FAM171A1: variants seen among roughly 807,000 people sequenced by gnomAD.
FAM171A1 encodes family with sequence similarity 171 member A1, also known as protein FAM171A1.
A neutral mutation model predicts 74.9 loss-of-function variants in FAM171A1; 23 were observed. The observed-to-expected ratio is 0.31, with a 90% CI of 0.22 to 0.44. FAM171A1 has a LOEUF of 0.44. FAM171A1 is among the 20% of genes least tolerant of loss of function. FAM171A1 has a pLI of 1.00. For missense variants in FAM171A1, 1,162 were observed against 1,159.2 expected (o/e 1.00, Z -0.03); for synonymous variants, 527 against 505.7 (o/e 1.04, Z -0.57).
intron 1 of FAM171A1, among the ~76,000 whole-genome samples, chr10:15,312,218 G>C (rs1835367248): frequency 6.6e-6 from 1 of 152,194 alleles, no homozygotes; most frequent in African/African-American, 2.4e-5. Flanking sequence ...GCTTATAAAA[G>C]TGAGCTTGAA....
Position 15,213,313 on chromosome 10 carries a change from C to T in FAM171A1, c.2275G>A (p.Ala759Thr), listed in dbSNP as rs1378080801. 6.2e-7 allele frequency: 1 copy of T among 1,614,082 alleles called. No homozygotes were observed. Among genetic ancestry groups the T allele is most frequent in the Non-Finnish European group, 8.5e-7 (1 of 1,180,042 alleles). Residue 759 changes from alanine to threonine, a missense_variant, in exon 8 of 8, where the codon GCT (alanine) becomes ACT (threonine). Physicochemically the swap from Ala to Thr is moderately conservative, Grantham distance 58. Transcript: ENST00000378116. The surrounding 1 kb of genome is among the most constrained non-coding windows in gnomAD (Gnocchi z 6.8). The part of the protein sequence containing the change: ...PKSARKGRGD[A>T]LSLQQNYPPV... Reference sequence around the variant, plus strand: ...GGGTAGTTCTGCTGCAGAGACAAAGCATCTCCCCTTCCCTTCCGGGCTGAT... The same window carrying T: ...GGGTAGTTCTGCTGCAGAGACAAAGTATCTCCCCTTCCCTTCCGGGCTGAT...
At chr10:15,263,752 TATC>T (rs1834695741) in intron 3 of FAM171A1, among the ~76,000 whole-genome samples, 1 of 149,372 alleles carries the variant, frequency 6.7e-6, no homozygotes, top group Non-Finnish European at 1.5e-5. Flanking sequence ...TCTATCTATC[TATC>T]TATCTATCTA....
At chr10:15,220,847 C>T in intron 6 of FAM171A1, 97 bp downstream of exon 6, 11 of 841,130 alleles carry the variant, frequency 1.3e-5, no homozygotes, top group East Asian at 2.6e-5. Flanking sequence ...AAGATGTGAT[C>T]GCCCTGCTGA....
chr10:15,253,471 C>G (rs932634698), intron 4 of FAM171A1, among the ~76,000 whole-genome samples: 3 of 152,096 alleles, frequency 2.0e-5, no homozygotes, highest in Non-Finnish European at 2.9e-5. Context: ...TAATCACATC[C>G]TCATCAGCAC....
chr10:15,213,431 G>A lies in FAM171A1; in HGVS notation c.2157C>T (p.His719=), dbSNP rs1404129663. ...FVSLDGRSNA[H]VRHSYIDLQR... ...GGAGATCAATGTATGAATGTCTAAC[G>A]TGAGCGTTGGACCTGCCATCCAAGG... is the stretch of plus-strand genomic sequence containing the variant. The change falls in exon 8 of 8, where the codon CAC becomes CAT. Residue 719 remains histidine, a synonymous_variant. Coordinates refer to ENST00000378116, the MANE Select transcript of FAM171A1 (RefSeq NM_001010924.2). This position sits in a 1 kb window ranked among gnomAD's most constrained non-coding sequence, Gnocchi z 6.8. 6.2e-7 allele frequency: 1 copy of A among 1,614,102 alleles called. No homozygotes were observed. Among genetic ancestry groups the A allele is most frequent in the South Asian group, 1.1e-5 (1 of 91,086 alleles).
At chr10:15,238,369 C>CA (rs1834321792) in intron 5 of FAM171A1, among the ~76,000 whole-genome samples, 1 of 152,186 alleles carries the variant, frequency 6.6e-6, no homozygotes, top group Non-Finnish European at 1.5e-5. Context: ...ATATCCCCTA[C>CA]CAGAGAGGTG....
rs777810128 is a variant in FAM171A1, at chr10:15,213,727, G to T, written c.1861C>A (p.Pro621Thr). 12 of 1,613,272 alleles carry T rather than the reference G, an allele frequency of 7.4e-6. No homozygotes were observed. In the East Asian group the frequency reaches 2.7e-4, roughly 36 times the overall value. Reference sequence around the variant, plus strand: ...GGGTGTGGGAAGATCCCGGCATGGGGATTGGACAGCTCAGCCTGTAGTCTT... The same window carrying T: ...GGGTGTGGGAAGATCCCGGCATGGGTATTGGACAGCTCAGCCTGTAGTCTT... ...IERLQAELSN[P>T]HAGIFPHPSS... is the part of the protein sequence containing the mutation. The change falls in exon 8 of 8, where the codon CCC becomes ACC. Residue 621 changes from proline (P) to threonine (T), a missense_variant. By Grantham distance (38) the Pro-to-Thr change is conservative. Coordinates refer to ENST00000378116, the MANE Select transcript of FAM171A1 (RefSeq NM_001010924.2). The surrounding 1 kb of genome is among the most constrained non-coding windows in gnomAD (Gnocchi z 6.8).
chr10:15,237,872 T>C (rs2131742928), intron 5 of FAM171A1, among the ~76,000 whole-genome samples: 1 of 152,298 alleles, frequency 6.6e-6, no homozygotes, highest in African/African-American at 2.4e-5. Context: ...TGAGAGTTAT[T>C]TCTTTATTTC....
At chr10:15,337,995 T>A (rs1835724397) in intron 1 of FAM171A1, among the ~76,000 whole-genome samples, 2 of 152,100 alleles carry the variant, frequency 1.3e-5, no homozygotes, top group African/African-American at 4.8e-5. Context: ...TATGGCTCAA[T>A]AATCACAGTG....
intron 5 of FAM171A1, among the ~76,000 whole-genome samples, chr10:15,233,903 C>CAAAAAAAAAAAA (rs915508767): frequency 6.4e-4 from 83 of 129,032 alleles, no homozygotes; most frequent in East Asian, 1.2e-3. Flanking sequence ...TCCGTCTCAC[C>CAAAAAAAAAAAA]AAAAAAAAAA....
chr10:15,357,589 T>G (rs1835948402), intron 1 of FAM171A1, among the ~76,000 whole-genome samples: 1 of 152,192 alleles, frequency 6.6e-6, no homozygotes, highest in Non-Finnish European at 1.5e-5. Context: ...TTTGTGAATT[T>G]CCTGGTATGT....
intron 4 of FAM171A1, among the ~76,000 whole-genome samples, chr10:15,249,884 T>C (rs1348410340): frequency 1.3e-5 from 2 of 152,240 alleles, no homozygotes; most frequent in African/African-American, 4.8e-5. Context: ...TGAAATACAA[T>C]ATCGCACAAA....
At chr10:15,364,818 C>T (rs1002352247) in intron 1 of FAM171A1, among the ~76,000 whole-genome samples, 2 of 152,080 alleles carry the variant, frequency 1.3e-5, no homozygotes, top group East Asian at 3.9e-4. Flanking sequence ...ATCTGTGTAG[C>T]GTCTTCATTC....
intron 1 of FAM171A1, among the ~76,000 whole-genome samples, chr10:15,287,457 G>A (rs941064600): frequency 6.7e-6 from 1 of 150,074 alleles, no homozygotes; most frequent in Non-Finnish European, 1.5e-5. Context: ...GCGCGATCTT[G>A]GCTCACTGCA....
At chr10:15,254,676 T>A (rs1834553204) in intron 4 of FAM171A1, 45 bp downstream of exon 4, 2 of 1,597,056 alleles carry the variant, frequency 1.3e-6, no homozygotes, top group East Asian at 4.5e-5. Flanking sequence ...ATGTAAAGAC[T>A]AAAACACAGT....
chr10:15,284,311 A>G (rs1835009388), intron 1 of FAM171A1, among the ~76,000 whole-genome samples: 1 of 152,226 alleles, frequency 6.6e-6, no homozygotes, highest in Non-Finnish European at 1.5e-5. Flanking sequence ...TCAAAACCAC[A>G]GCCTGACCCA....
At chr10:15,308,507 AG>A (rs1835322963) in intron 1 of FAM171A1, among the ~76,000 whole-genome samples, 1 of 152,128 alleles carries the variant, frequency 6.6e-6, no homozygotes, top group Non-Finnish European at 1.5e-5. Flanking sequence ...TCCATTGCCC[AG>A]GCTGGAGTGC....
intron 1 of FAM171A1, among the ~76,000 whole-genome samples, chr10:15,354,089 T>A (rs1835907514): frequency 1.3e-5 from 2 of 152,228 alleles, no homozygotes; most frequent in African/African-American, 4.8e-5. Context: ...GTGTGCCTGC[T>A]GAGCTAGTGA....
At chr10:15,268,041 C>A (rs151088955) in intron 3 of FAM171A1, among the ~76,000 whole-genome samples, 34 of 152,288 alleles carry the variant, frequency 2.2e-4, no homozygotes, top group African/African-American at 7.9e-4. Flanking sequence ...AAAGCCACGT[C>A]TGGCAGAAGA....
Sources: allele counts gnomAD v4.1 joint callset (sites outside exome capture counted in the v4.1 genomes callset), GRCh38; gene constraint gnomAD v4.1.1; non-coding constraint Gnocchi (gnomAD v3.1); transcripts MANE v1.5; gene names NCBI Gene and HGNC (gene_info 2026-07-23, HGNC 2026-07-21).